The following DACT1 variants were observed in gnomAD, a reference collection of about 807,000 sequenced individuals.
The protein encoded by DACT1 is dapper homolog 1.
In DACT1, 19 loss-of-function variants were observed where a neutral mutation model predicts 35.3. That is an observed-to-expected ratio of 0.54 (90% CI 0.38 to 0.79). The LOEUF (loss-of-function observed/expected upper bound fraction) is 0.79, where lower values mean the gene tolerates loss of function less well. Ranked by LOEUF, DACT1 falls within the 30% of genes least tolerant of loss-of-function variation. The pLI is 0.00. For missense variants in DACT1, 1,143 were observed against 1,057.5 expected, an observed-to-expected ratio of 1.08 and a Z score of -1.12; for synonymous variants, 545 against 466.7, an observed-to-expected ratio of 1.17 and a Z score of -2.16.
chr14:58,637,673 T>C (rs1229547397), upstream of DACT1, among the ~76,000 whole-genome samples: 2 of 152,114 alleles, frequency 1.3e-5, no homozygotes, highest in African/African-American at 2.4e-5. Flanking sequence ...GCCCCGAGCT[T>C]TGGGCGACGA....
Position 58,647,344 on chromosome 14 carries a change from C to T in DACT1, c.*210C>T, listed in dbSNP as rs1437377371. 3.2e-6 allele frequency: 2 copies of T among 615,652 alleles called. No homozygotes were observed. The highest frequency in any genetic ancestry group is 3.8e-5 in the African/African-American group (2 of 52,682). 38.1% of individuals were successfully genotyped at this position (615,652 alleles called of 1,614,324 possible). ...AAGAATGTTTTGCTAGTTAGAAGTA[C>T]ATATTGAGGTTTTAATGGTGGTGAT... is the stretch of plus-strand genomic sequence containing the variant. On this transcript the variant is annotated 3_prime_UTR_variant, in exon 4 of 4. Transcript: ENST00000395153.
In DACT1 at chr14:58,646,403, C is replaced by A; in HGVS notation, c.1669C>A (p.Leu557Met). Reference sequence around the variant, plus strand: ...GCACCGCGGCCCAGCCCTCCAGGGGCTGGAGAACGGCTTGCCCACCGTCAG... The same window carrying A: ...GCACCGCGGCCCAGCCCTCCAGGGGATGGAGAACGGCTTGCCCACCGTCAG... ...LKHRGPALQG[L>M]ENGLPTVREK... The change falls in exon 4 of 4, where the codon CTG becomes ATG. Residue 557 changes from leucine to methionine, a missense_variant. Around this residue, in one of 3 missense-constraint regions of DACT1, gnomAD observed 1,054 missense variants for 958.8 expected, o/e 1.10. Transcript: ENST00000395153. The A allele has an allele frequency of 6.2e-7, 1 of 1,602,132 alleles. No individual in the cohort carries two copies. Among genetic ancestry groups the A allele is most frequent in the South Asian group, 1.1e-5 (1 of 89,258 alleles).
At position 58,641,686 on chromosome 14, in the gene DACT1, C is replaced by G; in HGVS notation, c.573C>G (p.Thr191=). The G allele has an allele frequency of 6.2e-7, 1 of 1,614,236 alleles. No individual in the cohort carries two copies. The highest frequency in any genetic ancestry group is 8.5e-7 in the Non-Finnish European group (1 of 1,180,050). The change falls in exon 3 of 4, where the codon ACC becomes ACG. Residue 191 remains threonine, a synonymous_variant. Transcript: ENST00000395153. ...SECLSSCHSS[T]CFCSPLEATL... ...GTTTATCCAGTTGTCATTCCAGCAC[C>G]TGCTTTTGCAGCCCCTTGGAGGCGA...
In DACT1 at chr14:58,646,785, C is replaced by G. The variant is rs372275201; in HGVS notation, c.2051C>G (p.Ala684Gly). The G allele has an allele frequency of 6.2e-7, 1 of 1,614,168 alleles. No homozygotes were observed. The highest frequency in any genetic ancestry group is 8.5e-7 in the Non-Finnish European group (1 of 1,180,034). Residue 684 changes from alanine (A) to glycine (G), a missense_variant, in exon 4 of 4, where the codon GCT (alanine) becomes GGT (glycine). Physicochemically the swap from Ala to Gly is moderately conservative, Grantham distance 60 (BLOSUM62 0). Around this residue, in one of 3 missense-constraint regions of DACT1, gnomAD observed 1,054 missense variants for 958.8 expected, o/e 1.10. Coordinates refer to ENST00000395153, the MANE Select transcript of DACT1 (RefSeq NM_001079520.2). The stretch of plus-strand genomic sequence containing the variant: ...TACGCCAGCCCCTACGCCTACGTGG[C>G]TAGCGACTCCGAGTACTCGGCCGAG... ...LPYASPYAYV[A>G]SDSEYSAECE...
At position 58,647,644 on chromosome 14, in the gene DACT1, A is replaced by G. The variant is rs2047706802; in HGVS notation, c.*510A>G. ...TTTTTATGTAGTCTACATTTCTCAG[A>G]TGTATCCCCATTCGGTTTTATTCTC... is the stretch of plus-strand genomic sequence containing the variant. On this transcript the variant is annotated 3_prime_UTR_variant, in exon 4 of 4. Transcript: ENST00000395153. 5.9e-6 allele frequency: 1 copy of G among 169,666 alleles called. No homozygotes were observed. The highest frequency in any genetic ancestry group is 6.5e-5 in the Admixed American group (1 of 15,304). 10.5% of individuals were successfully genotyped at this position (169,666 alleles called of 1,614,324 possible).
chr14:58,634,562 A>G (rs79395758), upstream of DACT1, among the ~76,000 whole-genome samples: 5,437 of 152,310 alleles, frequency 0.036, 330 homozygotes, highest in African/African-American at 0.12. Context: ...CTTTGATCCC[A>G]GACCCTCGAA....
At chr14:58,643,553 T>G (rs141300466) in intron 3 of DACT1, among the ~76,000 whole-genome samples, 1 of 152,310 alleles carries the variant, frequency 6.6e-6, no homozygotes, top group East Asian at 1.9e-4. Flanking sequence ...GGCCTCAAGT[T>G]CATTGGTAAT....
upstream of DACT1, among the ~76,000 whole-genome samples, chr14:58,637,582 C>A (rs541525658): frequency 6.6e-6 from 1 of 152,200 alleles, no homozygotes; most frequent in East Asian, 1.9e-4. Context: ...GAAAGTTCTC[C>A]GGAGAGCCCA....
rs752911171 is a variant in DACT1 at position 58,647,106 on chromosome 14, G to A, written c.2372G>A (p.Gly791Asp). 4.3e-6 allele frequency: 7 copies of A among 1,613,960 alleles called. No individual in the cohort carries two copies. The highest frequency in any genetic ancestry group is 1.7e-5 in the Admixed American group (1 of 59,980). ...LKKKILRFRS[G>D]SLKLMTTV is the part of the protein sequence containing the mutation. ...AAGAAGATCCTCCGCTTTCGGTCTG[G>A]CTCTTTGAAACTGATGACGACGGTT... The change falls in exon 4 of 4, where the codon GGC becomes GAC. Residue 791 changes from glycine to aspartate, a missense_variant. Physicochemically the swap from Gly to Asp is moderately conservative, Grantham distance 94 (BLOSUM62 -1). This residue lies in a region of DACT1 where 1,054 missense variants were observed against 958.8 expected (regional missense o/e 1.10). Transcript: ENST00000395153.
In DACT1 at chr14:58,646,306, G is replaced by A. The variant is rs201366999; in HGVS notation, c.1572G>A (p.Pro524=). 1.4e-5 allele frequency: 23 copies of A among 1,610,542 alleles called. No individual in the cohort carries two copies. In the East Asian group the frequency reaches 2.7e-4, roughly 19 times the overall value. Residue 524 remains proline, a synonymous_variant, in exon 4 of 4, where the codon CCG becomes CCA. Coordinates refer to ENST00000395153, the MANE Select transcript of DACT1 (RefSeq NM_001079520.2). ...ACCTGGTCAAGGCCCAGTTTATCCC[G>A]GGGCAGCAGCCCAGTGTCAGGCTCC... ...EAHLVKAQFI[P]GQQPSVRLHR... is the part of the protein sequence containing the mutation.
At position 58,638,339 on chromosome 14, in the gene DACT1, A is replaced by G; in HGVS notation, c.137A>G (p.Glu46Gly). ...GACACCGAGCGGCAGCGCACCCGGG[A>G]GCGGCAGGAGGCCACGCTGGCCGGG... is the stretch of plus-strand genomic sequence containing the variant. ...EADTERQRTRERQEATLAGLA... is the reference protein window; with the variant it reads ...EADTERQRTRGRQEATLAGLA... The change falls in exon 1 of 4, where the codon GAG becomes GGG. Residue 46 changes from glutamate (E) to glycine (G), a missense_variant. By Grantham distance (98) the Glu-to-Gly change is moderately conservative. This residue lies in a region of DACT1 where 85 missense variants were observed against 81.8 expected (regional missense o/e 1.04). Coordinates refer to ENST00000395153, the MANE Select transcript of DACT1 (RefSeq NM_001079520.2). 7.6e-7 allele frequency: 1 copy of G among 1,311,878 alleles called. No individual in the cohort carries two copies. The highest frequency in any genetic ancestry group is 9.7e-7 in the Non-Finnish European group (1 of 1,035,558). 81.3% of individuals were successfully genotyped at this position (1,311,878 alleles called of 1,614,324 possible).
Position 58,638,460 on chromosome 14 carries a change from T to G in DACT1, c.258T>G (p.Ala86=). Residue 86 remains alanine, a synonymous_variant, in exon 1 of 4, where the codon GCT becomes GCG. Coordinates refer to ENST00000395153, the MANE Select transcript of DACT1 (RefSeq NM_001079520.2). ...GTGCGGGAGCCGCTGCGCCCCGCGCTGGGGAGCTACTGGGGGAGGCGGCGC... is the reference window on the plus strand; with the variant it reads ...GTGCGGGAGCCGCTGCGCCCCGCGCGGGGGAGCTACTGGGGGAGGCGGCGC... ...AGGAGAAAPR[A]GELLGEAAQR... 1 of 1,357,248 alleles carries G rather than the reference T, an allele frequency of 7.4e-7. No homozygotes were observed. The highest frequency in any genetic ancestry group is 9.5e-7 in the Non-Finnish European group (1 of 1,050,216). 84.1% of individuals were successfully genotyped at this position (1,357,248 alleles called of 1,614,324 possible). A position where few individuals can be genotyped will look rare whatever the true frequency, so the allele number is the denominator to read the frequency against.
upstream of DACT1, among the ~76,000 whole-genome samples, chr14:58,635,839 A>G (rs910300675): frequency 2.0e-5 from 3 of 152,200 alleles, no homozygotes; most frequent in Non-Finnish European, 1.5e-5. Context: ...CACAGGCCAC[A>G]ATAATAGACT....
rs1555329988 is a variant in DACT1 at position 58,646,353 on chromosome 14, G to A, written c.1619G>A (p.Gly540Asp). The A allele has an allele frequency of 1.2e-6, 2 of 1,606,672 alleles. No homozygotes were observed. The highest frequency in any genetic ancestry group is 1.7e-6 in the Non-Finnish European group (2 of 1,178,258). The change falls in exon 4 of 4, where the codon GGC becomes GAC. Residue 540 changes from glycine (G) to aspartate (D), a missense_variant. Gly to Asp is a moderately conservative substitution (Grantham distance 94, BLOSUM62 -1). Around this residue, in one of 3 missense-constraint regions of DACT1, gnomAD observed 1,054 missense variants for 958.8 expected, o/e 1.10. Transcript: ENST00000395153. Reference sequence around the variant, plus strand: ...CTCCACCGGGGCCACAGGAACATGGGCGTCGTGAAGAACTCCAGCCTGAAG... The same window carrying A: ...CTCCACCGGGGCCACAGGAACATGGACGTCGTGAAGAACTCCAGCCTGAAG... Reference protein sequence around the residue: ...VRLHRGHRNMGVVKNSSLKHR... With the variant: ...VRLHRGHRNMDVVKNSSLKHR...
chr14:58,636,751 G>A (rs1302275709), upstream of DACT1, among the ~76,000 whole-genome samples: 1 of 152,064 alleles, frequency 6.6e-6, no homozygotes, highest in East Asian at 1.9e-4. Context: ...GAATTTCCGA[G>A]GTTCTTGGAT....
chr14:58,639,535 C>T (rs1380543582), intron 1 of DACT1, among the ~76,000 whole-genome samples: 1 of 152,204 alleles, frequency 6.6e-6, no homozygotes, highest in African/African-American at 2.4e-5. Flanking sequence ...GTGCAGTTGT[C>T]ATGTGTTTTC....
chr14:58,645,804 A>G lies in DACT1; in HGVS notation c.1070A>G (p.Asn357Ser). The G allele has an allele frequency of 1.2e-6, 2 of 1,614,254 alleles. 1 individual carries two copies. Among genetic ancestry groups the G allele is most frequent in the South Asian group, 2.2e-5 (2 of 91,084 alleles). Residue 357 changes from asparagine to serine, a missense_variant, in exon 4 of 4, where the codon AAT (asparagine) becomes AGT (serine). Asn to Ser is a conservative substitution (Grantham distance 46, BLOSUM62 1). Coordinates refer to ENST00000395153, the MANE Select transcript of DACT1 (RefSeq NM_001079520.2). Reference sequence around the variant, plus strand: ...CAGGGCAACAGTGTGAACCTTAAGAATTCGAAACAGGCGTGTCTGCCCTCT... The same window carrying G: ...CAGGGCAACAGTGTGAACCTTAAGAGTTCGAAACAGGCGTGTCTGCCCTCT... ...VSQGNSVNLK[N>S]SKQACLPSGG...
intron 1 of DACT1, chr14:58,639,157 A>C (rs780654034): frequency 1.0e-6 from 1 of 985,350 alleles, no homozygotes; most frequent in Non-Finnish European, 1.2e-6. Flanking sequence ...AACTAGATGG[A>C]AATGATGGAA....
chr14:58,638,794 G>C lies in DACT1; in HGVS notation c.345+247G>C, dbSNP rs545731479. On this transcript the variant is annotated intron_variant, in intron 1 of 3. Transcript: ENST00000395153. ...GCGACCTCGCGCGGATTGCGGGAAG[G>C]GGGTGGCCGCTCTTCCCTCCTCCTC... 44 of 1,183,558 alleles carry C rather than the reference G, an allele frequency of 3.7e-5. No individual in the cohort carries two copies. In the African/African-American group the frequency reaches 5.1e-4, roughly 14 times the overall value. The allele number at this position is 1,183,558 out of a possible 1,614,324, so 73.3% of individuals were successfully genotyped here.
Sources: gnomAD v4.1 joint callset for allele counts (sites outside exome capture counted in the v4.1 genomes callset) on GRCh38, gnomAD v4.1.1 for gene constraint, gnomAD v4.1.1 regional missense constraint, MANE v1.5 for transcripts, NCBI Gene and HGNC (gene_info 2026-07-23, HGNC 2026-07-21) for gene names.